Variants in CDKL5 observed in about 807,000 individuals in gnomAD.
CDKL5 encodes cyclin dependent kinase like 5, also known as cyclin-dependent kinase-like 5.
Under a neutral mutation model 61.7 loss-of-function variants are expected in CDKL5, and 8 were observed. The ratio of observed to expected loss-of-function variants is 0.13; its 90% CI spans 0.08 to 0.23. The LOEUF (loss-of-function observed/expected upper bound fraction) is 0.23. Among genes scored for constraint, CDKL5 ranks in the 10% least tolerant of loss-of-function variants. The probability of loss-of-function intolerance (pLI) is 1.00; values close to 1 mark genes in which losing one functional copy is unlikely to be tolerated. For missense variants in CDKL5, 440 were observed against 734.5 expected (o/e 0.60, Z 4.63); for synonymous variants, 275 against 272.3 (o/e 1.01, Z -0.10).
At chrX:18,588,801 C>T (rs1925725753) in intron 9 of CDKL5, 1 of 109,487 alleles carries the variant, frequency 9.1e-6, no homozygotes, top group Admixed American at 9.9e-5. Flanking sequence ...GTAGTCCCAG[C>T]TACTCGGGAG....
chrX:18,491,648 G>C (rs1170931298), intron 1 of CDKL5, among the ~76,000 whole-genome samples: 1 of 110,566 alleles, frequency 9.0e-6, no homozygotes, highest in African/African-American at 3.3e-5. Context: ...TTTAATTAGC[G>C]GATTTTCAAA....
chrX:18,596,170 T>C (rs1401030628), intron 10 of CDKL5, among the ~76,000 whole-genome samples: 1 of 111,714 alleles, frequency 9.0e-6, no homozygotes, highest in Non-Finnish European at 1.9e-5. Context: ...GCCCAGTCAG[T>C]CAACTGTCAA....
intron 5 of CDKL5, among the ~76,000 whole-genome samples, chrX:18,577,046 G>C (rs772724603): frequency 2.7e-5 from 3 of 110,534 alleles, no homozygotes; most frequent in Non-Finnish European, 3.8e-5. Flanking sequence ...ACAGGTGCGC[G>C]CCACCATGCC....
intron 1 of CDKL5, among the ~76,000 whole-genome samples, chrX:18,481,364 CTT>C (rs1177486979): frequency 2.8e-5 from 2 of 70,605 alleles, no homozygotes; most frequent in African/African-American, 9.4e-5. Flanking sequence ...TTCTTTCTTT[CTT>C]TCTTTTGAGG....
intron 1 of CDKL5, among the ~76,000 whole-genome samples, chrX:18,437,259 T>C (rs1371486629): frequency 8.9e-6 from 1 of 112,057 alleles, no homozygotes; most frequent in African/African-American, 3.2e-5. Context: ...TTCATTGTTT[T>C]TGTAGAAATT....
At chrX:18,514,638 C>T (rs1166283643) in intron 3 of CDKL5, among the ~76,000 whole-genome samples, 7 of 101,676 alleles carry the variant, frequency 6.9e-5, no homozygotes, top group Non-Finnish European at 1.2e-4. Context: ...ACCTGGGAGG[C>T]GGAGGTTGCA....
At chrX:18,441,253 C>G (rs1931735152) in intron 1 of CDKL5, among the ~76,000 whole-genome samples, 1 of 110,558 alleles carries the variant, frequency 9.0e-6, no homozygotes, top group Non-Finnish European at 1.9e-5. Context: ...CCGTCTCTAT[C>G]AAAAATACAA....
intron 1 of CDKL5, among the ~76,000 whole-genome samples, chrX:18,465,957 T>C (rs1342821818): frequency 8.9e-6 from 1 of 112,391 alleles, no homozygotes; most frequent in Non-Finnish European, 1.9e-5. Flanking sequence ...ATTCATTTCC[T>C]AGCTTTATTG....
At chrX:18,451,419 C>A (rs1162187633) in intron 1 of CDKL5, among the ~76,000 whole-genome samples, 1 of 111,417 alleles carries the variant, frequency 9.0e-6, no homozygotes, top group East Asian at 2.8e-4. Flanking sequence ...CTTGAACTCC[C>A]GACCTCAGGT....
chrX:18,455,326 T>G (rs1361985801), intron 1 of CDKL5, among the ~76,000 whole-genome samples: 1 of 112,485 alleles, frequency 8.9e-6, no homozygotes, highest in Non-Finnish European at 1.9e-5. Flanking sequence ...AATTGGCACT[T>G]TCTTGTAATT....
chrX:18,608,726 C>A, intron 12 of CDKL5, 85 bp from the exon 13 acceptor site: 1 of 621,102 alleles, frequency 1.6e-6, no homozygotes, highest in South Asian at 2.3e-5. Context: ...TGGTTATGGT[C>A]CTAGTTCTAC....
At chrX:18,490,280 A>G (rs985295166) in intron 1 of CDKL5, among the ~76,000 whole-genome samples, 6 of 111,428 alleles carry the variant, frequency 5.4e-5, no homozygotes, top group Non-Finnish European at 3.8e-5. Context: ...GGAACCCCCA[A>G]ATTTGTAGCC....
At chrX:18,440,827 A>G (rs913521929) in intron 1 of CDKL5, among the ~76,000 whole-genome samples, 2 of 111,711 alleles carry the variant, frequency 1.8e-5, no homozygotes, top group Admixed American at 1.9e-4. Context: ...TGGTGTAGCC[A>G]AGTCCAAGGT....
rs574221281 is a variant in CDKL5, at chrX:18,630,541, A to G, written c.*1784A>G. 4.0e-6 allele frequency: 3 copies of G among 752,712 alleles called. No homozygotes were observed. The highest frequency in any genetic ancestry group is 6.8e-5 in the South Asian group (1 of 14,697). The allele number at this position is 752,712 out of a possible 1,213,427, so 62.0% of individuals were successfully genotyped here. Reference sequence around the variant, plus strand: ...ACCCTCCCCCGAGATTTTGAGAATCATAGCTCTGATGATTATGAAGATTAT... The same window carrying G: ...ACCCTCCCCCGAGATTTTGAGAATCGTAGCTCTGATGATTATGAAGATTAT... On this transcript the variant is annotated 3_prime_UTR_variant, in exon 18 of 18. Coordinates refer to ENST00000623535, the MANE Select transcript of CDKL5 (RefSeq NM_001323289.2).
chrX:18,545,951 A>G (rs1003273424), intron 3 of CDKL5, among the ~76,000 whole-genome samples: 1 of 111,896 alleles, frequency 8.9e-6, no homozygotes, highest in Non-Finnish European at 1.9e-5. Flanking sequence ...AGAACTTCCG[A>G]TTAGTTCATT....
At chrX:18,510,787 G>A (rs767125302) in intron 2 of CDKL5, 33 bp from the exon 3 acceptor site, 4 of 1,156,407 alleles carry the variant, frequency 3.5e-6, no homozygotes, top group Middle Eastern at 2.4e-4. Context: ...GTTTGTATGC[G>A]TGCCCTTGAT....
chrX:18,581,269 T>A (rs1925472339), intron 6 of CDKL5, among the ~76,000 whole-genome samples: 1 of 111,905 alleles, frequency 8.9e-6, no homozygotes, highest in African/African-American at 3.2e-5. Context: ...AACTGCATTT[T>A]CTGTGAATTT....
At chrX:18,649,949 T>C (rs1359817436) in intron 20 of CDKL5, 2 of 185,261 alleles carry the variant, frequency 1.1e-5, no homozygotes, top group Non-Finnish European at 2.0e-5. Flanking sequence ...ATTTGATGAC[T>C]GAACCTCCTT....
chrX:18,606,647 TG>T (rs1313233731), intron 12 of CDKL5, among the ~76,000 whole-genome samples: 1 of 111,817 alleles, frequency 8.9e-6, no homozygotes, highest in African/African-American at 3.3e-5. Context: ...CCAGAAAGGT[TG>T]GGAAGAAAGT....
Sources: allele counts gnomAD v4.1 joint callset (sites outside exome capture counted in the v4.1 genomes callset), GRCh38; gene constraint gnomAD v4.1.1; transcripts MANE v1.5; gene names NCBI Gene and HGNC (gene_info 2026-07-23, HGNC 2026-07-21).